Variants in TCTN3 observed in about 807,000 individuals in gnomAD.
The protein encoded by TCTN3 is tectonic-3.
Under a neutral mutation model 71.3 loss-of-function variants are expected in TCTN3, and 57 were observed. That is an observed-to-expected ratio of 0.80 (90% CI 0.65 to 1.00). The LOEUF is 1.00. TCTN3 is among the 50% of genes least tolerant of loss of function. TCTN3 has a pLI of 0.00. For synonymous variants in TCTN3, 258 were observed against 267.8 expected (o/e 0.96, Z 0.36); for missense variants, 696 against 719.9 (o/e 0.97, Z 0.38).
At chr10:95,691,798 C>G (rs1337630189) in intron 3 of TCTN3, among the ~76,000 whole-genome samples, 4 of 152,206 alleles carry the variant, frequency 2.6e-5, no homozygotes, top group Non-Finnish European at 4.4e-5. Flanking sequence ...ATAATAACCT[C>G]TAATCTTTAT....
chr10:95,665,631 T>C (rs1378041929), intron 13 of TCTN3, among the ~76,000 whole-genome samples: 1 of 152,100 alleles, frequency 6.6e-6, no homozygotes, highest in Admixed American at 6.6e-5. Context: ...GTTAGTGTTG[T>C]CTATAAGTTG....
At chr10:95,685,704 T>G in intron 7 of TCTN3, 68 bp from the exon 8 acceptor site, 2 of 1,264,928 alleles carry the variant, frequency 1.6e-6, no homozygotes, top group South Asian at 1.3e-5. Context: ...TATTAATAGA[T>G]ATCATGCTAA....
chr10:95,690,953 G>T (rs936601427), intron 3 of TCTN3, among the ~76,000 whole-genome samples: 2 of 152,158 alleles, frequency 1.3e-5, no homozygotes, highest in African/African-American at 4.8e-5. Context: ...GTTCATTGAT[G>T]TAATGAACCA....
rs1201617493 is a variant in TCTN3, at chr10:95,693,871, T to G, written c.29A>C (p.Gln10Pro). 1.3e-6 allele frequency: 2 copies of G among 1,551,594 alleles called. No individual in the cohort carries two copies. Among genetic ancestry groups the G allele is most frequent in the Admixed American group, 3.9e-5 (2 of 51,006 alleles). ...ATCGGGGAACACCAGAAAGAACACTTGCAGGAGCGCGAGCTGTGGGGTGCG... is the reference window on the plus strand; with the variant it reads ...ATCGGGGAACACCAGAAAGAACACTGGCAGGAGCGCGAGCTGTGGGGTGCG... MRTPQLALLQVFFLVFPDGV... is the reference protein window; with the variant it reads MRTPQLALLPVFFLVFPDGV... Residue 10 changes from glutamine (Q) to proline (P), a missense_variant, in exon 1 of 14, where the codon CAA (glutamine) becomes CCA (proline). By Grantham distance (76) the Gln-to-Pro change is moderately conservative. Coordinates refer to ENST00000371217, the MANE Select transcript of TCTN3 (RefSeq NM_015631.6).
intron 13 of TCTN3, among the ~76,000 whole-genome samples, chr10:95,670,061 C>CAAAATAA (rs2097929446): frequency 1.2e-5 from 1 of 81,086 alleles, no homozygotes; most frequent in Non-Finnish European, 2.3e-5. Flanking sequence ...GACTCCGTCT[C>CAAAATAA]AAAAAAAAAA....
rs190835755 is a variant in TCTN3, at chr10:95,666,169, C to T, written c.1591-1869G>A. The stretch of plus-strand genomic sequence containing the variant: ...GTCCAGCCAGGATGGTCTCGATCTC[C>T]TGACCTAGTGATCTGCCCGCCTCGG... On this transcript the variant is annotated intron_variant, in intron 13 of 13. Coordinates refer to ENST00000371217, the MANE Select transcript of TCTN3 (RefSeq NM_015631.6). 3.3e-3 allele frequency among the ~76,000 whole-genome samples: 501 copies of T among 151,856 alleles called. 2 individuals carry two copies. Among genetic ancestry groups the T allele is most frequent in the African/African-American group, 0.011 (474 of 41,388 alleles).
At chr10:95,670,731 C>T (rs868448965) in intron 13 of TCTN3, among the ~76,000 whole-genome samples, 3 of 152,082 alleles carry the variant, frequency 2.0e-5, no homozygotes, top group East Asian at 1.9e-4. Context: ...GGTACAAACA[C>T]GGCTCACTGC....
chr10:95,671,098 G>C (rs1444721368), intron 13 of TCTN3, among the ~76,000 whole-genome samples: 1 of 152,190 alleles, frequency 6.6e-6, no homozygotes, highest in Admixed American at 6.5e-5. Context: ...GGCAAAATTA[G>C]AGAATTCACT....
rs10654251 is a variant in TCTN3 at position 95,677,474 on chromosome 10, G to GTTTTTTTTTTTTTTTTTTTTTTTT, written c.1590+2997_1590+2998insAAAAAAAAAAAAAAAAAAAAAAAA. On this transcript the variant is annotated intron_variant, in intron 13 of 13. Transcript: ENST00000371217. ...ATACAAGAAGATAGTGAAGTCTACAGTTTTTTTTGTTTTTTTTTTTTTTTT... is the reference window on the plus strand; with the variant it reads ...ATACAAGAAGATAGTGAAGTCTACAGTTTTTTTTTTTTTTTTTTTTTTTTTTTTTTTTGTTTTTTTTTTTTTTTT... Among the ~76,000 whole-genome samples the GTTTTTTTTTTTTTTTTTTTTTTTT allele has an allele frequency of 2.0e-4, 16 of 80,762 alleles. 1 individual carries two copies. Among genetic ancestry groups the GTTTTTTTTTTTTTTTTTTTTTTTT allele is most frequent in the East Asian group, 3.2e-4 (1 of 3,104 alleles). The allele number at this position is 80,762 out of a possible 152,430, so 53.0% of individuals were successfully genotyped here.
chr10:95,692,775 T>G (rs764844187), intron 3 of TCTN3, 145 bp downstream of exon 3: 65 of 624,934 alleles, frequency 1.0e-4, no homozygotes, highest in Non-Finnish European at 1.5e-4. Flanking sequence ...TTGCTTTTTT[T>G]TTGTTGTTGT....
chr10:95,691,682 A>G (rs1417274155), intron 3 of TCTN3, among the ~76,000 whole-genome samples: 5 of 152,188 alleles, frequency 3.3e-5, no homozygotes, highest in South Asian at 2.1e-4. Flanking sequence ...GTGCAGGAAC[A>G]TTATTTTGCT....
intron 12 of TCTN3, 151 bp from the exon 13 acceptor site, chr10:95,680,760 T>C: frequency 2.5e-6 from 2 of 804,964 alleles, no homozygotes; most frequent in South Asian, 4.1e-5. Context: ...ACAATAAGAC[T>C]ATGTTATTAT....
intron 13 of TCTN3, 129 bp from the exon 14 acceptor site, chr10:95,664,429 A>C: frequency 1.8e-5 from 14 of 764,894 alleles, no homozygotes; most frequent in Non-Finnish European, 2.8e-5. Flanking sequence ...CCTTTATCTC[A>C]TATTGGTCCT....
In TCTN3 at chr10:95,682,818, C is replaced by T. The variant is rs377753233; in HGVS notation, c.1299-14G>A. 6.2e-6 allele frequency: 10 copies of T among 1,611,760 alleles called. No individual in the cohort carries two copies. The African/African-American group carries it at 1.2e-4, about 19-fold the overall frequency. On this transcript the variant is annotated splice_polypyrimidine_tract_variant and intron_variant, in intron 11 of 13. Transcript: ENST00000371217. ...GCCTTCTTCAACCTATAATTAAACA[C>T]CATGGAGGCTGCAGTCCAATGCTAA...
In TCTN3 at chr10:95,683,084, C is replaced by A. The variant is rs776775920; in HGVS notation, c.1298+17G>T. 2 of 1,602,396 alleles carry A rather than the reference C, an allele frequency of 1.2e-6. No individual in the cohort carries two copies. The highest frequency in any genetic ancestry group is 1.3e-5 in the African/African-American group (1 of 74,752). ...ATTCCCGAAATTGCAGGAAATGATGCGGAAGCAAAGAACTACCTGAGCTTG... is the reference window on the plus strand; with the variant it reads ...ATTCCCGAAATTGCAGGAAATGATGAGGAAGCAAAGAACTACCTGAGCTTG... On this transcript the variant is annotated intron_variant, in intron 11 of 13. Transcript: ENST00000371217.
chr10:95,669,667 A>G (rs868526635), intron 13 of TCTN3, among the ~76,000 whole-genome samples: 19 of 149,814 alleles, frequency 1.3e-4, no homozygotes, highest in Middle Eastern at 3.5e-3. Flanking sequence ...CTCAATAAAG[A>G]TTTTTTTTTT....
At chr10:95,667,222 G>A (rs1018232674) in intron 13 of TCTN3, among the ~76,000 whole-genome samples, 2 of 152,130 alleles carry the variant, frequency 1.3e-5, no homozygotes, top group Non-Finnish European at 2.9e-5. Flanking sequence ...CCCAGAATAT[G>A]TGCTCATTAA....
chr10:95,686,557 T>G, intron 6 of TCTN3, 27 bp from the exon 7 acceptor site: 2 of 1,607,742 alleles, frequency 1.2e-6, no homozygotes, highest in Non-Finnish European at 1.7e-6. Context: ...GACATGAATG[T>G]GCATATACCT....
intron 13 of TCTN3, among the ~76,000 whole-genome samples, chr10:95,674,855 A>AATG (rs1555268871): frequency 6.8e-4 from 83 of 121,390 alleles, no homozygotes; most frequent in Admixed American, 1.7e-3. Context: ...ATGAATGAAT[A>AATG]AATAAAGTGT....
Sources: gnomAD v4.1 joint callset for allele counts (sites outside exome capture counted in the v4.1 genomes callset) on GRCh38, gnomAD v4.1.1 for gene constraint, MANE v1.5 for transcripts, NCBI Gene and HGNC (gene_info 2026-07-23, HGNC 2026-07-21) for gene names.